Variants in LYPD6 observed in about 807,000 individuals in gnomAD.
LYPD6 encodes the protein LY6/PLAUR domain containing 6, also known as ly6/PLAUR domain-containing protein 6.
LYPD6 carries 15 observed loss-of-function variants against 22.7 expected under a neutral mutation model. The ratio of observed to expected loss-of-function variants is 0.66; its 90% confidence interval spans 0.44 to 1.02. The LOEUF (loss-of-function observed/expected upper bound fraction) is 1.02, where lower values mean the gene tolerates loss of function less well. Among genes scored for constraint, LYPD6 ranks in the 50% least tolerant of loss-of-function variants. LYPD6 has a pLI of 0.00. For synonymous variants in LYPD6, 72 were observed against 77.5 expected (o/e 0.93, Z 0.37); for missense variants, 189 against 208.4 (o/e 0.91, Z 0.57).
intron 2 of LYPD6, among the ~76,000 whole-genome samples, chr2:149,439,682 C>G (rs1683513517): frequency 6.6e-6 from 1 of 152,102 alleles, no homozygotes; most frequent in Admixed American, 6.5e-5. Context: ...TGTTGGGTCT[C>G]TATTGGGAAA....
At chr2:149,485,459 G>A in the LYPD6 span, among the ~76,000 whole-genome samples, 741 of 152,324 alleles carry the variant, frequency 4.9e-3, 9 homozygotes, top group African/African-American at 0.017. Flanking sequence ...GGAATGCTCT[G>A]TAAGTACTCA....
intron 1 of LYPD6, among the ~76,000 whole-genome samples, chr2:149,409,306 T>C (rs1325744416): frequency 6.6e-6 from 1 of 152,078 alleles, no homozygotes; most frequent in Non-Finnish European, 1.5e-5. Context: ...CTGGTGGAGG[T>C]AGCAGGGGAG....
intron 4 of LYPD6, among the ~76,000 whole-genome samples, chr2:149,469,994 T>G (rs960381224): frequency 2.0e-5 from 3 of 152,206 alleles, no homozygotes; most frequent in Non-Finnish European, 4.4e-5. Flanking sequence ...TAATTCTTTG[T>G]CTGGGGCAAG....
chr2:149,479,651 A>G, the LYPD6 span, among the ~76,000 whole-genome samples: 1 of 152,058 alleles, frequency 6.6e-6, no homozygotes, highest in Non-Finnish European at 1.5e-5. Flanking sequence ...ATCTACCGTC[A>G]AATCCTGTCA....
In LYPD6 at chr2:149,471,405, C is replaced by G. The variant is rs1681331091; in HGVS notation, c.*555C>G. On this transcript the variant is annotated 3_prime_UTR_variant, in exon 5 of 5. Transcript: ENST00000334166. ...CCAGCCATTTGTTCAATTAATTTTC[C>G]CAACATTCTTCTCCCAGTGCTGGGA... 1 of 152,158 alleles carries G rather than the reference C, an allele frequency of 6.6e-6. No homozygotes were observed. The highest frequency in any genetic ancestry group is 1.5e-5 in the Non-Finnish European group (1 of 68,070). 9.4% of individuals were successfully genotyped at this position (152,158 alleles called of 1,614,324 possible).
At chr2:149,468,859 T>G (rs2105182787) in intron 4 of LYPD6, 84 bp downstream of exon 4, 1 of 1,425,204 alleles carries the variant, frequency 7.0e-7, no homozygotes, top group South Asian at 1.2e-5. Flanking sequence ...GAGCAGATTC[T>G]TACTCCCCCG....
chr2:149,331,424 CT>C (rs774926164), intron 1 of LYPD6, among the ~76,000 whole-genome samples: 5 of 152,224 alleles, frequency 3.3e-5, no homozygotes, highest in African/African-American at 7.2e-5. Context: ...GTCTGACTCG[CT>C]CTGACCCCCA....
intron 1 of LYPD6, among the ~76,000 whole-genome samples, chr2:149,433,256 A>G (rs541293307): frequency 6.6e-6 from 1 of 152,328 alleles, no homozygotes; most frequent in East Asian, 1.9e-4. Context: ...TAAAGAAATC[A>G]GGCCTAATGA....
intron 1 of LYPD6, among the ~76,000 whole-genome samples, chr2:149,374,251 GAAAAA>G: frequency 6.6e-6 from 1 of 152,070 alleles, no homozygotes; most frequent in Non-Finnish European, 1.5e-5. Flanking sequence ...CATAGACTGA[GAAAAA>G]AGAAAAACAA....
At chr2:149,357,803 T>A (rs1300630469) in intron 1 of LYPD6, among the ~76,000 whole-genome samples, 3 of 148,342 alleles carry the variant, frequency 2.0e-5, no homozygotes, top group Admixed American at 6.6e-5. Context: ...TTTTTTTTTT[T>A]AAGACAGAAC....
intron 1 of LYPD6, among the ~76,000 whole-genome samples, chr2:149,421,389 C>CA (rs771199025): frequency 0.06 from 4,022 of 66,940 alleles, 112 homozygotes; most frequent in African/African-American, 0.075. Flanking sequence ...GACTCCATCT[C>CA]AAAAAAAAAA....
At position 149,350,294 on chromosome 2, in the gene LYPD6, T is replaced by C. The variant is rs547818976; in HGVS notation, c.-72+19572T>C. ...ATGGAGTTGCAAAAGCTAAGGACTT[T>C]GGCAGAACTCTCTGAAGTAAGAGCA... On this transcript the variant is annotated intron_variant, in intron 1 of 4. Coordinates refer to ENST00000334166, the MANE Select transcript of LYPD6 (RefSeq NM_194317.5). Among the ~76,000 whole-genome samples, 171 of 152,352 alleles carry C rather than the reference T, an allele frequency of 1.1e-3. 4 individuals are homozygous for C. The South Asian group carries it at 0.034, about 30-fold the overall frequency.
At chr2:149,333,987 A>C (rs1279968239) in intron 1 of LYPD6, among the ~76,000 whole-genome samples, 2 of 152,190 alleles carry the variant, frequency 1.3e-5, no homozygotes, top group African/African-American at 2.4e-5. Context: ...AGAAATACTT[A>C]ATTTACCCAT....
chr2:149,429,105 T>C (rs945493048), intron 1 of LYPD6, among the ~76,000 whole-genome samples: 1 of 152,154 alleles, frequency 6.6e-6, no homozygotes, highest in Non-Finnish European at 1.5e-5. Flanking sequence ...ACCTCCCACA[T>C]TCTCATACCT....
chr2:149,478,403 C>CGT (rs1558822893), downstream of LYPD6, among the ~76,000 whole-genome samples: 13 of 118,930 alleles, frequency 1.1e-4, 1 homozygote, highest in East Asian at 7.0e-4. Flanking sequence ...TGTGTGTGCG[C>CGT]GCACGCATGT....
At chr2:149,356,187 G>A (rs957847208) in intron 1 of LYPD6, among the ~76,000 whole-genome samples, 3 of 151,394 alleles carry the variant, frequency 2.0e-5, no homozygotes, top group African/African-American at 4.9e-5. Context: ...CTGCTGAAAT[G>A]TACACATCTC....
chr2:149,397,078 C>G (rs1225005392), intron 1 of LYPD6, among the ~76,000 whole-genome samples: 1 of 152,164 alleles, frequency 6.6e-6, no homozygotes, highest in African/African-American at 2.4e-5. Context: ...AAAATATATT[C>G]TATCTGTGGT....
At chr2:149,470,590 A>G in intron 4 of LYPD6, 93 bp from the exon 5 acceptor site, 2 of 1,073,598 alleles carry the variant, frequency 1.9e-6, no homozygotes, top group Non-Finnish European at 2.8e-6. Context: ...TTTTACTTGC[A>G]TCTTGCCATG....
At chr2:149,469,418 G>C (rs1052177555) in intron 4 of LYPD6, among the ~76,000 whole-genome samples, 3 of 152,146 alleles carry the variant, frequency 2.0e-5, no homozygotes, top group Admixed American at 6.6e-5. Flanking sequence ...CTCTATACGT[G>C]TGTCTATACA....
Sources: gnomAD v4.1 joint callset for allele counts (sites outside exome capture counted in the v4.1 genomes callset) on GRCh38, gnomAD v4.1.1 for gene constraint, MANE v1.5 for transcripts, NCBI Gene and HGNC (gene_info 2026-07-23, HGNC 2026-07-21) for gene names.